The following FMN1 variants were observed in gnomAD, a reference collection of about 807,000 sequenced individuals.
FMN1 encodes formin-1.
Under a neutral mutation model 132.4 loss-of-function variants are expected in FMN1, and 110 were observed. That is an observed-to-expected ratio of 0.83 (90% CI 0.71 to 0.97). The LOEUF (loss-of-function observed/expected upper bound fraction) is 0.97. Ranked by LOEUF, FMN1 falls within the 50% of genes least tolerant of loss-of-function variation. FMN1 has a pLI of 0.00. For synonymous variants in FMN1, 722 were observed against 651.7 expected, an observed-to-expected ratio of 1.11 and a Z score of -1.64; for missense variants, 1,792 against 1,705.3, an observed-to-expected ratio of 1.05 and a Z score of -0.90.
chr15:33,004,286 C>T (rs1374478478), intron 7 of FMN1, among the ~76,000 whole-genome samples: 3 of 151,958 alleles, frequency 2.0e-5, no homozygotes, highest in East Asian at 3.9e-4. Flanking sequence ...ATTTTTGCAA[C>T]CTACTCATCT....
At chr15:32,957,298 C>CTTTTTTTTTTTTTTTT (rs869111673) in intron 9 of FMN1, among the ~76,000 whole-genome samples, 4 of 84,178 alleles carry the variant, frequency 4.8e-5, no homozygotes, top group African/African-American at 1.8e-4. Flanking sequence ...CAGAGCAGTT[C>CTTTTTTTTTTTTTTTT]TTTTTTTTTT....
At chr15:32,948,126 A>G (rs1489274248) in intron 9 of FMN1, among the ~76,000 whole-genome samples, 1 of 151,990 alleles carries the variant, frequency 6.6e-6, no homozygotes, top group East Asian at 1.9e-4. Context: ...TCTTAGTTAC[A>G]AAATTTCATT....
chr15:32,944,064 G>A (rs1031163401), intron 9 of FMN1, among the ~76,000 whole-genome samples: 6 of 152,222 alleles, frequency 3.9e-5, no homozygotes, highest in African/African-American at 1.4e-4. Context: ...AAATGGGACA[G>A]GTAAGCAATG....
chr15:32,775,560 G>GA (rs2056389640), intron 20 of FMN1, among the ~76,000 whole-genome samples: 1 of 152,186 alleles, frequency 6.6e-6, no homozygotes, highest in Non-Finnish European at 1.5e-5. Context: ...GACTGCCACT[G>GA]AAAGTCATAC....
chr15:33,154,370 C>A lies in FMN1; in HGVS notation c.545G>T (p.Arg182Leu). The change falls in exon 4 of 21, where the codon CGT becomes CTT. Residue 182 changes from arginine to leucine, a missense_variant. By Grantham distance (102) the Arg-to-Leu change is moderately radical. Transcript: ENST00000616417. ...LPQKRTKRKG[R>L]GGRESAPLMG... ...CAGAGGAGCTGATTCTCGGCCTCCACGCCCTTTTCTTTTGGTCCTCTTCTG... is the reference window on the plus strand; with the variant it reads ...CAGAGGAGCTGATTCTCGGCCTCCAAGCCCTTTTCTTTTGGTCCTCTTCTG... 2.6e-6 allele frequency: 4 copies of A among 1,536,158 alleles called. No homozygotes were observed. The highest frequency in any genetic ancestry group is 3.5e-6 in the Non-Finnish European group (4 of 1,146,932).
At chr15:32,858,875 A>G (rs1243177457) in intron 16 of FMN1, among the ~76,000 whole-genome samples, 2 of 152,190 alleles carry the variant, frequency 1.3e-5, no homozygotes, top group Non-Finnish European at 2.9e-5. Context: ...CTCTTTTGAA[A>G]TAGATGGATC....
intron 9 of FMN1, among the ~76,000 whole-genome samples, chr15:32,961,002 A>C (rs1441684850): frequency 7.0e-6 from 1 of 143,326 alleles, no homozygotes; most frequent in South Asian, 2.2e-4. Context: ...TCTCAAAAAA[A>C]AAAAAAAAAA....
Position 33,048,644 on chromosome 15 carries a change from A to AAAAAAAAAAACAAAAAC in FMN1, c.2161+16312_2161+16313insGTTTTTGTTTTTTTTTT. Among the ~76,000 whole-genome samples the AAAAAAAAAAACAAAAAC allele has an allele frequency of 7.7e-4, 67 of 86,938 alleles. 6 individuals carry two copies. Among genetic ancestry groups the AAAAAAAAAAACAAAAAC allele is most frequent in the Admixed American group, 1.3e-3 (8 of 6,298 alleles). 57.0% of individuals were successfully genotyped at this position (86,938 alleles called of 152,430 possible). A position where few individuals can be genotyped will look rare whatever the true frequency, so the allele number is the denominator to read the frequency against. On this transcript the variant is annotated intron_variant, in intron 6 of 20. Coordinates refer to ENST00000616417, the MANE Select transcript of FMN1 (RefSeq NM_001277313.2). ...TGGGCAATTTACCAAAAAAAAAAAA[A>AAAAAAAAAAACAAAAAC]AAAAACCAACAGTTTAATGGACTTA...
chr15:32,793,401 T>C (rs971333311), intron 19 of FMN1, among the ~76,000 whole-genome samples: 6 of 152,078 alleles, frequency 3.9e-5, no homozygotes, highest in African/African-American at 1.4e-4. Flanking sequence ...TGCCTCAGCC[T>C]CCCGAGTAGC....
intron 16 of FMN1, among the ~76,000 whole-genome samples, chr15:32,870,116 T>C (rs147159508): frequency 0.011 from 1,644 of 152,274 alleles, 16 homozygotes; most frequent in Non-Finnish European, 0.017. Flanking sequence ...TAAAACTGAT[T>C]TAGTTCTTAT....
intron 7 of FMN1, among the ~76,000 whole-genome samples, chr15:32,975,904 C>T (rs956491339): frequency 6.6e-6 from 1 of 152,082 alleles, no homozygotes; most frequent in African/African-American, 2.4e-5. Flanking sequence ...TCCCCATTAC[C>T]ACTGCTCAGA....
chr15:33,147,100 G>A (rs548553881), intron 4 of FMN1, among the ~76,000 whole-genome samples: 2 of 151,690 alleles, frequency 1.3e-5, no homozygotes, highest in African/African-American at 2.4e-5. Context: ...GGGAGGCGGA[G>A]GTTGCAGTGA....
At chr15:33,010,244 C>G (rs1445378461) in intron 6 of FMN1, among the ~76,000 whole-genome samples, 1 of 151,872 alleles carries the variant, frequency 6.6e-6, no homozygotes, top group African/African-American at 2.4e-5. Flanking sequence ...TATATGACAT[C>G]TAGAAAAGAC....
At chr15:32,807,383 C>T (rs1209007545) in intron 17 of FMN1, among the ~76,000 whole-genome samples, 3 of 152,198 alleles carry the variant, frequency 2.0e-5, no homozygotes, top group Admixed American at 6.5e-5. Flanking sequence ...TGGTACTTAG[C>T]CAATCAGATA....
intron 9 of FMN1, among the ~76,000 whole-genome samples, chr15:32,963,476 C>A (rs554524295): frequency 5.2e-4 from 78 of 151,076 alleles, no homozygotes; most frequent in Non-Finnish European, 1.0e-3. Context: ...GCACATGTAC[C>A]CTAAAACTTA....
intron 4 of FMN1, among the ~76,000 whole-genome samples, chr15:33,127,956 AGGAAAGAAAGG>A (rs1459154925): frequency 1.3e-5 from 2 of 152,162 alleles, no homozygotes; most frequent in Non-Finnish European, 2.9e-5. Context: ...GACAGGAGAA[AGGAAAGAAAGG>A]GGAAAGGAAG....
Position 33,075,654 on chromosome 15 carries a change from C to T in FMN1, c.2044-10580G>A, listed in dbSNP as rs912363648. Among the ~76,000 whole-genome samples, 4 of 152,030 alleles carry T rather than the reference C, an allele frequency of 2.6e-5. No individual in the cohort carries two copies. The South Asian group carries it at 6.2e-4, about 24-fold the overall frequency. ...CCAAGCTCCAACATGATTTTTAAACCAACTCAGTTATTTGAGAGAAAAAAA... is the reference window on the plus strand; with the variant it reads ...CCAAGCTCCAACATGATTTTTAAACTAACTCAGTTATTTGAGAGAAAAAAA... On this transcript the variant is annotated intron_variant, in intron 5 of 20. Transcript: ENST00000616417.
chr15:33,016,508 G>A (rs552503513), intron 6 of FMN1, among the ~76,000 whole-genome samples: 1 of 152,270 alleles, frequency 6.6e-6, no homozygotes, highest in East Asian at 1.9e-4. Flanking sequence ...AGCATAACCG[G>A]TTTTGTGTCT....
intron 3 of FMN1, among the ~76,000 whole-genome samples, chr15:33,168,291 A>C (rs946039557): frequency 4.6e-5 from 7 of 152,236 alleles, no homozygotes; most frequent in Non-Finnish European, 1.0e-4. Flanking sequence ...CCTCTAATAT[A>C]AGGATTATTT....
Sources: gnomAD v4.1 joint callset for allele counts (sites outside exome capture counted in the v4.1 genomes callset) on GRCh38, gnomAD v4.1.1 for gene constraint, MANE v1.5 for transcripts, NCBI Gene and HGNC (gene_info 2026-07-23, HGNC 2026-07-21) for gene names.